Variants in INPP4B observed in about 807,000 individuals in gnomAD.
INPP4B encodes inositol polyphosphate 4-phosphatase type II.
INPP4B carries 55 observed loss-of-function variants against 122.5 expected under a neutral mutation model. That is an observed-to-expected ratio of 0.45 (90% confidence interval 0.36 to 0.56). INPP4B has a LOEUF of 0.56. Among genes scored for constraint, INPP4B ranks in the 20% least tolerant of loss-of-function variants. The pLI is 0.00. For synonymous variants in INPP4B, 403 were observed against 388.7 expected (o/e 1.04, Z -0.43); for missense variants, 1,000 against 1,097.7 (o/e 0.91, Z 1.26).
intron 2 of INPP4B, among the ~76,000 whole-genome samples, chr4:142,650,746 A>G (rs1036486971): frequency 1.3e-5 from 2 of 152,204 alleles, no homozygotes; most frequent in African/African-American, 2.4e-5. Flanking sequence ...CTACAAAGAG[A>G]TTTAGACACC....
chr4:142,092,239 C>T (rs1779885492), intron 23 of INPP4B, among the ~76,000 whole-genome samples: 1 of 152,138 alleles, frequency 6.6e-6, no homozygotes, highest in African/African-American at 2.4e-5. Flanking sequence ...ATAAAATTAA[C>T]ATAAGAGATA....
chr4:142,144,431 T>C (rs1478829179), intron 18 of INPP4B, among the ~76,000 whole-genome samples: 4 of 152,146 alleles, frequency 2.6e-5, no homozygotes, highest in Admixed American at 6.5e-5. Flanking sequence ...AATGAATTCT[T>C]CTTACCTCAT....
chr4:142,767,683 A>C (rs1417109613), intron 1 of INPP4B: 1 of 152,188 alleles, frequency 6.6e-6, no homozygotes, highest in Non-Finnish European at 1.5e-5. Flanking sequence ...TACGAATGAC[A>C]AGAGTGAGAC....
chr4:142,475,372 T>G (rs527461559), intron 2 of INPP4B, among the ~76,000 whole-genome samples: 1 of 151,478 alleles, frequency 6.6e-6, no homozygotes, highest in Non-Finnish European at 1.5e-5. Context: ...TGAAGGAATA[T>G]CAGCTCACAC....
chr4:142,619,771 C>T (rs964266685), intron 2 of INPP4B, among the ~76,000 whole-genome samples: 1 of 151,788 alleles, frequency 6.6e-6, no homozygotes, highest in African/African-American at 2.4e-5. Context: ...AGTGTTATTA[C>T]CACAGGAATA....
chr4:142,747,527 AC>A (rs1430729089), intron 1 of INPP4B, among the ~76,000 whole-genome samples: 1 of 152,148 alleles, frequency 6.6e-6, no homozygotes, highest in African/African-American at 2.4e-5. Context: ...CTGTGTATAT[AC>A]CCAAAGGATT....
At chr4:142,680,736 T>C (rs1262480279) in intron 2 of INPP4B, among the ~76,000 whole-genome samples, 1 of 151,832 alleles carries the variant, frequency 6.6e-6, no homozygotes, top group Non-Finnish European at 1.5e-5. Context: ...ACTAAAAATA[T>C]CCTTTCCACC....
intron 7 of INPP4B, among the ~76,000 whole-genome samples, chr4:142,368,301 A>AT (rs1224441441): frequency 4.6e-5 from 7 of 152,182 alleles, no homozygotes; most frequent in East Asian, 1.9e-4. Flanking sequence ...TTAATTCTGT[A>AT]TTTTTTTAAA....
At chr4:142,144,299 T>C (rs1809492322) in intron 18 of INPP4B, among the ~76,000 whole-genome samples, 1 of 151,652 alleles carries the variant, frequency 6.6e-6, no homozygotes, top group South Asian at 2.1e-4. Context: ...AATGTTATTG[T>C]CTTCAGTGAG....
At chr4:142,509,611 G>A (rs1824461632) in intron 2 of INPP4B, among the ~76,000 whole-genome samples, 1 of 152,014 alleles carries the variant, frequency 6.6e-6, no homozygotes, top group African/African-American at 2.4e-5. Flanking sequence ...CCACATTTTG[G>A]GAAAACTGGC....
intron 14 of INPP4B, 47 bp downstream of exon 14, chr4:142,208,378 C>T: frequency 2.1e-6 from 2 of 943,870 alleles, no homozygotes; most frequent in Non-Finnish European, 1.6e-6. Context: ...TACAGAAGTA[C>T]ACACTGTAAC....
chr4:142,624,201 C>A (rs1445794265), intron 2 of INPP4B, among the ~76,000 whole-genome samples: 1 of 151,972 alleles, frequency 6.6e-6, no homozygotes, highest in Non-Finnish European at 1.5e-5. Context: ...TAAAGTGTTC[C>A]TATTTCTCCA....
Position 142,068,341 on chromosome 4 carries a change from T to C in INPP4B, c.2642+13690A>G, listed in dbSNP as rs190277316. Among the ~76,000 whole-genome samples the C allele has an allele frequency of 6.0e-3, 917 of 152,032 alleles. 16 individuals are homozygous for C. The highest frequency in any genetic ancestry group is 0.021 in the African/African-American group (877 of 41,470). ...GAGCTCCTCAAGGAAGCACTAAACATGAAAAGGAACAATCAGTACCAGCCA... is the reference window on the plus strand; with the variant it reads ...GAGCTCCTCAAGGAAGCACTAAACACGAAAAGGAACAATCAGTACCAGCCA... On this transcript the variant is annotated intron_variant, in intron 25 of 25. Transcript: ENST00000262992.
intron 2 of INPP4B, among the ~76,000 whole-genome samples, chr4:142,696,841 T>C (rs1056332846): frequency 2.6e-5 from 4 of 152,178 alleles, no homozygotes; most frequent in African/African-American, 9.7e-5. Flanking sequence ...TATTGTAAAA[T>C]TACTTATTAA....
intron 25 of INPP4B, among the ~76,000 whole-genome samples, chr4:142,051,444 G>A (rs1002729012): frequency 3.3e-5 from 5 of 151,772 alleles, no homozygotes; most frequent in Non-Finnish European, 7.4e-5. Context: ...GAGACTTCTG[G>A]GAGCTAGCAA....
intron 9 of INPP4B, among the ~76,000 whole-genome samples, chr4:142,296,577 A>G (rs1758791173): frequency 6.6e-6 from 1 of 152,244 alleles, no homozygotes; most frequent in Non-Finnish European, 1.5e-5. Flanking sequence ...AGAATTTCAC[A>G]TTAGTAACTC....
rs115609698 is a variant in INPP4B, at chr4:142,380,326, G to A, written c.372+22612C>T. On this transcript the variant is annotated intron_variant, in intron 7 of 25. Transcript: ENST00000262992. ...TGTCACTTTCTTCCTCTTCTGCTCC[G>A]ACCCACCTTGGTAATATTTTCAGCT... Among the ~76,000 whole-genome samples the A allele has an allele frequency of 7.3e-3, 1,118 of 152,158 alleles. 12 individuals carry two copies. The highest frequency in any genetic ancestry group is 0.026 in the African/African-American group (1,065 of 41,502).
intron 2 of INPP4B, among the ~76,000 whole-genome samples, chr4:142,718,146 C>A (rs1764044043): frequency 6.6e-6 from 1 of 152,032 alleles, no homozygotes; most frequent in African/African-American, 2.4e-5. Context: ...ATTTAGAATG[C>A]AGCAGCAGAA....
chr4:142,250,603 T>G (rs1561619728), intron 11 of INPP4B, among the ~76,000 whole-genome samples: 1 of 152,218 alleles, frequency 6.6e-6, no homozygotes, highest in Non-Finnish European at 1.5e-5. Context: ...ATTCTATATC[T>G]GCACAATGCA....
Sources: gnomAD v4.1 joint callset for allele counts (sites outside exome capture counted in the v4.1 genomes callset) on GRCh38, gnomAD v4.1.1 for gene constraint, MANE v1.5 for transcripts, NCBI Gene and HGNC (gene_info 2026-07-23, HGNC 2026-07-21) for gene names.